ZNF423: variants seen among roughly 807,000 people sequenced by gnomAD.
ZNF423 encodes the protein Ebf-associated zinc finger protein.
Under a neutral mutation model 95.8 loss-of-function variants are expected in ZNF423, and 12 were observed. That is an observed-to-expected ratio of 0.13 (90% CI 0.08 to 0.20). The LOEUF (loss-of-function observed/expected upper bound fraction) is 0.20. Ranked by LOEUF, ZNF423 falls within the 10% of genes least tolerant of loss-of-function variation. ZNF423 has a pLI of 1.00. For missense variants in ZNF423, 1,316 were observed against 1,737.1 expected, an observed-to-expected ratio of 0.76 and a Z score of 4.31; for synonymous variants, 749 against 711.9, an observed-to-expected ratio of 1.05 and a Z score of -0.83.
chr16:49,512,748 C>CATTTAA (rs1429148929), intron 7 of ZNF423, among the ~76,000 whole-genome samples: 57 of 152,308 alleles, frequency 3.7e-4, no homozygotes, highest in African/African-American at 1.4e-3. Flanking sequence ...GCAGGTCTTA[C>CATTTAA]CCCATTTAAC....
At position 49,523,617 on chromosome 16, in the gene ZNF423, C is replaced by T; in HGVS notation, c.3849+7G>A. 2 of 1,611,662 alleles carry T rather than the reference C, an allele frequency of 1.2e-6. No homozygotes were observed. Among genetic ancestry groups the T allele is most frequent in the Non-Finnish European group, 1.7e-6 (2 of 1,177,854 alleles). On this transcript the variant is annotated splice_region_variant and intron_variant, in intron 7 of 7. Coordinates refer to ENST00000563137, the MANE Select transcript of ZNF423 (RefSeq NM_001379286.1). The stretch of plus-strand genomic sequence containing the variant: ...GGCGGCGTGGTGCAGCGGATGTGGG[C>T]ACCCACCTGCAGCTCGGTCTGGAAG...
intron 3 of ZNF423, among the ~76,000 whole-genome samples, chr16:49,695,756 A>G (rs1408003510): frequency 6.6e-6 from 1 of 152,198 alleles, no homozygotes; most frequent in East Asian, 1.9e-4. Context: ...GTTTGTTCAT[A>G]AAGCAAAAAG....
At chr16:49,811,691 T>A (rs1465664610) in intron 1 of ZNF423, among the ~76,000 whole-genome samples, 1 of 152,038 alleles carries the variant, frequency 6.6e-6, no homozygotes, top group African/African-American at 2.4e-5. Flanking sequence ...CCCGCAGGAC[T>A]GGAATGGGTT....
At chr16:49,700,195 C>CAAA (rs3084468) in intron 3 of ZNF423, among the ~76,000 whole-genome samples, 13 of 96,538 alleles carry the variant, frequency 1.3e-4, no homozygotes, top group African/African-American at 4.1e-4. Flanking sequence ...CCCAGGATTT[C>CAAA]AAAAAAAAAA....
chr16:49,765,486 G>A (rs542965272), intron 2 of ZNF423, among the ~76,000 whole-genome samples: 2 of 152,202 alleles, frequency 1.3e-5, no homozygotes, highest in East Asian at 3.9e-4. Context: ...CAAGGCAGGA[G>A]GATTTCTTGA....
intron 3 of ZNF423, among the ~76,000 whole-genome samples, chr16:49,717,152 C>T (rs2032732198): frequency 6.6e-6 from 1 of 152,148 alleles, no homozygotes; most frequent in Admixed American, 6.5e-5. Flanking sequence ...GGAATTGGTC[C>T]TGGTCTGGCC....
chr16:49,509,737 G>A (rs1967804092), intron 7 of ZNF423, among the ~76,000 whole-genome samples: 1 of 152,154 alleles, frequency 6.6e-6, no homozygotes, highest in South Asian at 2.1e-4. Context: ...ACAGGCTGCT[G>A]TATCAAGAAA....
chr16:49,721,689 A>G lies in ZNF423; in HGVS notation c.301+9082T>C, dbSNP rs541975980. Among the ~76,000 whole-genome samples, 8 of 152,134 alleles carry G rather than the reference A, an allele frequency of 5.3e-5. No homozygotes were observed. In the South Asian group the frequency reaches 1.7e-3, roughly 32 times the overall value. On this transcript the variant is annotated intron_variant, in intron 3 of 7. Transcript: ENST00000563137. The stretch of plus-strand genomic sequence containing the variant: ...CCACTCTGGCGCACCCTTGGAAACC[A>G]AAGAATCCAAGAAGCTCAATTATTC...
intron 3 of ZNF423, among the ~76,000 whole-genome samples, chr16:49,715,426 C>A (rs2032675351): frequency 6.6e-6 from 1 of 152,148 alleles, no homozygotes; most frequent in Non-Finnish European, 1.5e-5. Flanking sequence ...GTGGAATGAG[C>A]ACGGCCTGTT....
intron 2 of ZNF423, among the ~76,000 whole-genome samples, chr16:49,786,293 C>A (rs1305093177): frequency 6.6e-6 from 1 of 152,250 alleles, no homozygotes; most frequent in Non-Finnish European, 1.5e-5. Flanking sequence ...CGGAGGGCCA[C>A]AGGGTCCCCA....
chr16:49,792,595 T>G (rs1261895963), intron 1 of ZNF423, among the ~76,000 whole-genome samples: 2 of 152,208 alleles, frequency 1.3e-5, no homozygotes, highest in African/African-American at 4.8e-5. Context: ...TGGGTCACCT[T>G]ACTTACGACT....
In ZNF423 at chr16:49,491,175, G is replaced by T. The variant is rs1249077328; in HGVS notation, c.*100C>A. 1.4e-6 allele frequency: 2 copies of T among 1,406,088 alleles called. No individual in the cohort carries two copies. Among genetic ancestry groups the T allele is most frequent in the African/African-American group, 2.8e-5 (2 of 70,654 alleles). The allele number at this position is 1,406,088 out of a possible 1,614,324, so 87.1% of individuals were successfully genotyped here. On this transcript the variant is annotated 3_prime_UTR_variant, in exon 8 of 8. Transcript: ENST00000563137. ...CCAAATCATTAGAGTTTTACATCTG[G>T]GTTGCAAATGACACTTTGATTGGAT...
intron 7 of ZNF423, among the ~76,000 whole-genome samples, chr16:49,504,662 G>A (rs1181892157): frequency 6.6e-6 from 1 of 152,180 alleles, no homozygotes; most frequent in Non-Finnish European, 1.5e-5. Context: ...GACACTCAGC[G>A]ACATTCCTGG....
At chr16:49,736,002 G>A (rs757589682) in intron 2 of ZNF423, among the ~76,000 whole-genome samples, 15 of 152,100 alleles carry the variant, frequency 9.9e-5, no homozygotes, top group Non-Finnish European at 2.2e-4. Flanking sequence ...GCCCCACACC[G>A]GACTATAAGC....
intron 2 of ZNF423, among the ~76,000 whole-genome samples, chr16:49,737,596 A>G (rs1412886650): frequency 6.6e-6 from 1 of 152,252 alleles, no homozygotes; most frequent in Non-Finnish European, 1.5e-5. Flanking sequence ...AAAGGCAGAA[A>G]GGGAATGCCT....
chr16:49,634,999 T>C (rs1972634719), intron 4 of ZNF423, among the ~76,000 whole-genome samples: 1 of 152,198 alleles, frequency 6.6e-6, no homozygotes, highest in Admixed American at 6.5e-5. Context: ...GAAAATTTGA[T>C]GAACGAATCA....
chr16:49,542,261 G>C (rs996022989), intron 5 of ZNF423, among the ~76,000 whole-genome samples: 1 of 152,162 alleles, frequency 6.6e-6, no homozygotes, highest in Non-Finnish European at 1.5e-5. Flanking sequence ...TGCTCCCTCT[G>C]GCCTTGACTC....
chr16:49,592,577 A>G lies in ZNF423; in HGVS notation c.3601+33593T>C, dbSNP rs533942053. On this transcript the variant is annotated intron_variant, in intron 5 of 7. Transcript: ENST00000563137. The stretch of plus-strand genomic sequence containing the variant: ...GAATTCTTTTTCCCTGGCCTGGGCC[A>G]TAAGCCATGAACCAAAACGTGAATA... 1.7e-4 allele frequency among the ~76,000 whole-genome samples: 26 copies of G among 152,372 alleles called. 1 individual carries two copies. The South Asian group carries it at 5.4e-3, about 32-fold the overall frequency.
intron 3 of ZNF423, among the ~76,000 whole-genome samples, chr16:49,691,434 T>C (rs770243760): frequency 3.8e-4 from 58 of 152,272 alleles, no homozygotes; most frequent in Non-Finnish European, 5.3e-4. Context: ...CCTCATAGGT[T>C]AAAACAGAGG....
Sources: allele counts gnomAD v4.1 joint callset (sites outside exome capture counted in the v4.1 genomes callset), GRCh38; gene constraint gnomAD v4.1.1; transcripts MANE v1.5; gene names NCBI Gene and HGNC (gene_info 2026-07-23, HGNC 2026-07-21).